Variants in TCF7 observed in about 807,000 individuals in gnomAD.
TCF7 encodes the protein T-cell-factor-7.
TCF7 carries 19 observed loss-of-function variants against 46.8 expected under a neutral mutation model. That is an observed-to-expected ratio of 0.41 (90% CI 0.28 to 0.60). The LOEUF (loss-of-function observed/expected upper bound fraction) is 0.60, where lower values mean the gene tolerates loss of function less well. Among genes scored for constraint, TCF7 ranks in the 20% least tolerant of loss-of-function variants. TCF7 has a pLI of 0.35. For missense variants in TCF7, 547 were observed against 504.6 expected (o/e 1.08, Z -0.81); for synonymous variants, 245 against 213.4 (o/e 1.15, Z -1.29).
intron 6 of TCF7, 32 bp from the exon 7 acceptor site, chr5:134,142,689 G>A: frequency 6.2e-7 from 1 of 1,610,582 alleles, no homozygotes; most frequent in Non-Finnish European, 8.5e-7. Flanking sequence ...CACTCGGGGG[G>A]CTCCTGAACA....
chr5:134,137,561 TGAG>T (rs1201350224), intron 3 of TCF7, among the ~76,000 whole-genome samples: 1 of 151,912 alleles, frequency 6.6e-6, no homozygotes, highest in Non-Finnish European at 1.5e-5. Context: ...TTTAGGGGAT[TGAG>T]GAGGGCCCTT....
chr5:134,138,882 GA>G, intron 4 of TCF7, 68 bp from the exon 5 acceptor site: 2 of 1,597,532 alleles, frequency 1.3e-6, no homozygotes, highest in South Asian at 1.1e-5. Context: ...GAGGTTCTAG[GA>G]TGCAGTAACT....
chr5:134,127,212 C>T (rs1757465476), intron 3 of TCF7, among the ~76,000 whole-genome samples: 2 of 152,190 alleles, frequency 1.3e-5, no homozygotes, highest in Middle Eastern at 3.2e-3. Flanking sequence ...CCTCTCACTC[C>T]CTCTCCAGGG....
At chr5:134,145,194 C>T (rs1361648087) in intron 9 of TCF7, 2 of 592,440 alleles carry the variant, frequency 3.4e-6, no homozygotes, top group Non-Finnish European at 6.5e-6. Context: ...CTAAGGGGGC[C>T]TGGAGCCCAT....
intron 3 of TCF7, among the ~76,000 whole-genome samples, chr5:134,118,239 G>A (rs890188208): frequency 2.0e-5 from 3 of 152,190 alleles, no homozygotes; most frequent in African/African-American, 7.2e-5. Flanking sequence ...AGGGCCCTGA[G>A]GAAAAACTGC....
chr5:134,140,482 G>A, intron 5 of TCF7: 1 of 242,946 alleles, frequency 4.1e-6, no homozygotes, highest in Non-Finnish European at 8.2e-6. Context: ...ACAATCCAGT[G>A]TTAACAGTGG....
intron 5 of TCF7, 52 bp downstream of exon 5, chr5:134,139,090 CCTG>C: frequency 6.3e-7 from 1 of 1,596,986 alleles, no homozygotes; most frequent in Non-Finnish European, 8.5e-7. Flanking sequence ...CAGACCAAGA[CCTG>C]CCTGCCCTTC....
intron 3 of TCF7, among the ~76,000 whole-genome samples, chr5:134,135,576 G>A (rs1291671042): frequency 6.6e-6 from 1 of 152,206 alleles, no homozygotes; most frequent in South Asian, 2.1e-4. Context: ...AAGATCTTTA[G>A]TCTGAGCAGC....
At chr5:134,140,587 A>G (rs1024155746) in intron 5 of TCF7, 3 of 341,656 alleles carry the variant, frequency 8.8e-6, no homozygotes, top group Non-Finnish European at 1.7e-5. Flanking sequence ...GGGTCCCAGG[A>G]GAAGGATACC....
intron 3 of TCF7, among the ~76,000 whole-genome samples, chr5:134,125,128 C>T (rs1434237517): frequency 6.6e-6 from 1 of 152,206 alleles, no homozygotes; most frequent in East Asian, 1.9e-4. Context: ...GCCAGCCTCC[C>T]CACCAGGCAA....
chr5:134,115,297 A>T, intron 1 of TCF7, 24 bp from the exon 2 acceptor site: 1 of 1,538,640 alleles, frequency 6.5e-7, no homozygotes, highest in Non-Finnish European at 8.8e-7. Flanking sequence ...ACCGCCCCTC[A>T]CTCCCCTCCG....
chr5:134,108,409 C>T, the TCF7 span, among the ~76,000 whole-genome samples: 1 of 152,108 alleles, frequency 6.6e-6, no homozygotes, highest in Non-Finnish European at 1.5e-5. Flanking sequence ...TTTGGGCAGG[C>T]GGGAGGCCTG....
chr5:134,141,899 T>C (rs1005926182), intron 5 of TCF7: 10 of 273,920 alleles, frequency 3.7e-5, no homozygotes, highest in African/African-American at 2.0e-4. Context: ...TGAGGCTGGG[T>C]TGGTAGGGGA....
rs1755561752 is a variant in TCF7, at chr5:134,114,760, A to G, written c.-147A>G. On this transcript the variant is annotated 5_prime_UTR_variant, in exon 1 of 10. Transcript: ENST00000342854. ...GCCCCGCGCCCTAGCCCGCGCCTGC[A>G]GCCCGCCCAGGCGGAGTCAGCCCGC... is the stretch of plus-strand genomic sequence containing the variant. 1 of 808,632 alleles carries G rather than the reference A, an allele frequency of 1.2e-6. No homozygotes were observed. Among genetic ancestry groups the G allele is most frequent in the Non-Finnish European group, 1.5e-6 (1 of 671,790 alleles). 50.1% of individuals were successfully genotyped at this position (808,632 alleles called of 1,614,324 possible).
Position 134,139,030 on chromosome 5 carries a change from T to C in TCF7, c.627T>C (p.Thr209=). 1.9e-6 allele frequency: 3 copies of C among 1,613,702 alleles called. No individual in the cohort carries two copies. Among genetic ancestry groups the C allele is most frequent in the Non-Finnish European group, 2.5e-6 (3 of 1,179,976 alleles). Reference sequence around the variant, plus strand: ...GCAGCATGGGGCAGCTCCCCCACACTGTGAGCTGGTGAGTGTGGGCCCAAT... The same window carrying C: ...GCAGCATGGGGCAGCTCCCCCACACCGTGAGCTGGTGAGTGTGGGCCCAAT... ...TSGSMGQLPH[T]VSWFTHPSLM... Residue 209 remains threonine, a synonymous_variant, in exon 5 of 10, where the codon ACT becomes ACC. Transcript: ENST00000342854.
Position 134,139,212 on chromosome 5 carries a change from C to T in TCF7, c.635+174C>T. Reference sequence around the variant, plus strand: ...AACCTGGCTCTGAGCTAGGGGTCCTCATGTACCCCGGCCTGCATTCCCCAG... The same window carrying T: ...AACCTGGCTCTGAGCTAGGGGTCCTTATGTACCCCGGCCTGCATTCCCCAG... On this transcript the variant is annotated intron_variant, in intron 5 of 9. Coordinates refer to ENST00000342854, the MANE Select transcript of TCF7 (RefSeq NM_003202.5). The T allele has an allele frequency of 4.1e-6, 4 of 976,104 alleles. No individual in the cohort carries two copies. In the Admixed American group the frequency reaches 1.1e-4, roughly 28 times the overall value. 60.5% of individuals were successfully genotyped at this position (976,104 alleles called of 1,614,324 possible).
chr5:134,146,450 C>T lies in TCF7; in HGVS notation c.*147C>T. On this transcript the variant is annotated 3_prime_UTR_variant, in exon 10 of 10. Coordinates refer to ENST00000342854, the MANE Select transcript of TCF7 (RefSeq NM_003202.5). ...TCTCAGCCTCCCAACCCCAGGGCCC[C>T]CACAGGCCCCCCGCAGCACCCTGCA... 1 of 909,418 alleles carries T rather than the reference C, an allele frequency of 1.1e-6. No homozygotes were observed. Among genetic ancestry groups the T allele is most frequent in the Non-Finnish European group, 1.8e-6 (1 of 549,352 alleles). The allele number at this position is 909,418 out of a possible 1,614,324, so 56.3% of individuals were successfully genotyped here.
At chr5:134,124,819 G>A (rs561504870) in intron 3 of TCF7, among the ~76,000 whole-genome samples, 26 of 152,290 alleles carry the variant, frequency 1.7e-4, no homozygotes, top group Non-Finnish European at 3.4e-4. Flanking sequence ...CAGTGGGTGT[G>A]GACTTTGGGG....
chr5:134,146,587 A>C lies in TCF7; in HGVS notation c.*284A>C. On this transcript the variant is annotated 3_prime_UTR_variant, in exon 10 of 10. Transcript: ENST00000342854. ...TGAAAGTGACAGAGACCCAGATCTC[A>C]TGGAAACTGGCCAGGGGTCCTGTTA... is the stretch of plus-strand genomic sequence containing the variant. 5.7e-6 allele frequency: 4 copies of C among 696,048 alleles called. No individual in the cohort carries two copies. Among genetic ancestry groups the C allele is most frequent in the South Asian group, 4.7e-5 (3 of 64,174 alleles). The allele number at this position is 696,048 out of a possible 1,614,324, so 43.1% of individuals were successfully genotyped here.
Sources: gnomAD v4.1 joint callset for allele counts (sites outside exome capture counted in the v4.1 genomes callset) on GRCh38, gnomAD v4.1.1 for gene constraint, MANE v1.5 for transcripts, NCBI Gene and HGNC (gene_info 2026-07-23, HGNC 2026-07-21) for gene names.